The following URI1 variants were observed in gnomAD, a reference collection of about 807,000 sequenced individuals.
URI1 encodes the protein URI1 prefoldin like chaperone, also known as unconventional prefoldin RPB5 interactor 1.
A neutral mutation model predicts 60.2 loss-of-function variants in URI1; 39 were observed. The observed-to-expected ratio is 0.65, with a 90% CI of 0.50 to 0.85. URI1 has a LOEUF of 0.85. URI1 is among the 40% of genes least tolerant of loss of function. The pLI is 0.00. For synonymous variants in URI1, 251 were observed against 236.8 expected (o/e 1.06, Z -0.55); for missense variants, 691 against 665.9 (o/e 1.04, Z -0.42).
intron 1 of URI1, among the ~76,000 whole-genome samples, chr19:29,950,400 CA>C (rs145614563): frequency 0.14 from 21,971 of 152,114 alleles, 1,670 homozygotes; most frequent in Admixed American, 0.2. Flanking sequence ...AGTGATGTCT[CA>C]ATCTTTTTAG....
In URI1 at chr19:30,016,308, T is replaced by G. The variant is rs552536624; in HGVS notation, c.*1239T>G. Reference sequence around the variant, plus strand: ...GCTTGCATCCCCACTAGTTAATGGATAATTCAAACCGAGGACTGATTTTGA... The same window carrying G: ...GCTTGCATCCCCACTAGTTAATGGAGAATTCAAACCGAGGACTGATTTTGA... On this transcript the variant is annotated 3_prime_UTR_variant, in exon 11 of 11. Coordinates refer to ENST00000392271, the MANE Select transcript of URI1 (RefSeq NM_003796.3). The G allele has an allele frequency of 6.6e-6, 1 of 152,258 alleles. No individual in the cohort carries two copies. Among genetic ancestry groups the G allele is most frequent in the Non-Finnish European group, 1.5e-5 (1 of 67,966 alleles). The allele number at this position is 152,258 out of a possible 1,614,324, so 9.4% of individuals were successfully genotyped here.
chr19:29,998,773 T>C (rs149990575), intron 4 of URI1, among the ~76,000 whole-genome samples: 1 of 152,178 alleles, frequency 6.6e-6, no homozygotes, highest in South Asian at 2.1e-4. Flanking sequence ...TGCCAATTTA[T>C]GCTTTTTGAT....
rs1466610060 is a variant in URI1, at chr19:30,016,572, T to C, written c.*1503T>C. The stretch of plus-strand genomic sequence containing the variant: ...GTGGTGTTCTTAACAGATTTGTAAT[T>C]TCAAGATGCGTGTCATTAAATAATT... On this transcript the variant is annotated 3_prime_UTR_variant, in exon 11 of 11. Coordinates refer to ENST00000392271, the MANE Select transcript of URI1 (RefSeq NM_003796.3). 2.6e-5 allele frequency: 4 copies of C among 152,144 alleles called. No homozygotes were observed. The highest frequency in any genetic ancestry group is 9.6e-5 in the African/African-American group (4 of 41,460). 9.4% of individuals were successfully genotyped at this position (152,144 alleles called of 1,614,324 possible). A position where few individuals can be genotyped will look rare whatever the true frequency, so the allele number is the denominator to read the frequency against.
At chr19:29,995,609 T>G (rs1230329130) in intron 4 of URI1, among the ~76,000 whole-genome samples, 1 of 152,104 alleles carries the variant, frequency 6.6e-6, no homozygotes, top group Non-Finnish European at 1.5e-5. Context: ...TAATGTTGTT[T>G]GATGCACAAA....
chr19:29,966,315 T>C (rs1269801218), intron 1 of URI1, among the ~76,000 whole-genome samples: 1 of 152,100 alleles, frequency 6.6e-6, no homozygotes, highest in Non-Finnish European at 1.5e-5. Flanking sequence ...ATTTTTGTAT[T>C]TTTGGTAGAG....
chr19:29,976,654 T>A (rs539528896), intron 2 of URI1, among the ~76,000 whole-genome samples: 1 of 152,170 alleles, frequency 6.6e-6, no homozygotes, highest in East Asian at 1.9e-4. Flanking sequence ...AAAAAGGAAG[T>A]CTCCGTCCTT....
chr19:29,977,565 T>C (rs1323529964), intron 2 of URI1, among the ~76,000 whole-genome samples: 2 of 49,164 alleles, frequency 4.1e-5, no homozygotes, highest in African/African-American at 9.1e-5. Context: ...TTTCTTTTTT[T>C]TTTTTTTTTT....
At chr19:29,926,154 G>T (rs2054863828) in intron 1 of URI1, among the ~76,000 whole-genome samples, 1 of 151,714 alleles carries the variant, frequency 6.6e-6, no homozygotes, top group South Asian at 2.1e-4. Flanking sequence ...TTGGTTACAT[G>T]AATAAGTTCT....
chr19:29,990,235 A>G (rs1331752094), intron 4 of URI1, among the ~76,000 whole-genome samples: 1 of 152,336 alleles, frequency 6.6e-6, no homozygotes, highest in East Asian at 1.9e-4. Context: ...TATAATAAAA[A>G]AGACAGTAAC....
At chr19:30,013,921 G>C (rs909978290) in intron 10 of URI1, among the ~76,000 whole-genome samples, 4 of 151,780 alleles carry the variant, frequency 2.6e-5, no homozygotes, top group Non-Finnish European at 4.4e-5. Context: ...GGGCAAGGTA[G>C]AAGAAGGTGG....
chr19:29,937,796 C>T (rs560628751), upstream of URI1: 1 of 152,232 alleles, frequency 6.6e-6, no homozygotes, highest in Non-Finnish European at 1.5e-5. Flanking sequence ...TCAAAAATGC[C>T]CCAATTTTTG....
chr19:29,942,140 G>C, upstream of URI1: 2 of 892,886 alleles, frequency 2.2e-6, no homozygotes, highest in Non-Finnish European at 2.7e-6. Flanking sequence ...CACGCGGTTC[G>C]CATCAAGCGC....
chr19:30,014,824 T>C, intron 10 of URI1, 63 bp from the exon 11 acceptor site: 1 of 1,477,718 alleles, frequency 6.8e-7, no homozygotes, highest in Non-Finnish European at 9.2e-7. Context: ...AATGAGTGAA[T>C]GGGAAGATTT....
intron 1 of URI1, among the ~76,000 whole-genome samples, chr19:29,928,530 T>C (rs2054890035): frequency 1.3e-5 from 2 of 152,124 alleles, no homozygotes; most frequent in African/African-American, 2.4e-5. Context: ...AAGGGATCCA[T>C]TTAAGTGGCA....
rs192828083 is a variant in URI1, at chr19:30,008,107, T to A, written c.686+469T>A. On this transcript the variant is annotated intron_variant, in intron 7 of 10. Transcript: ENST00000392271. The stretch of plus-strand genomic sequence containing the variant: ...ATTCTTGCTTTCCTTTTATAAACTT[T>A]GGAGCAGGTAATTTGTAATCTGGTC... Among the ~76,000 whole-genome samples the A allele has an allele frequency of 8.1e-4, 124 of 152,274 alleles. 1 individual carries two copies. The highest frequency in any genetic ancestry group is 2.8e-3 in the African/African-American group (115 of 41,574).
chr19:29,960,721 T>C (rs2055312162), intron 1 of URI1, among the ~76,000 whole-genome samples: 2 of 152,186 alleles, frequency 1.3e-5, no homozygotes, highest in Non-Finnish European at 2.9e-5. Flanking sequence ...CTTTTCCTTT[T>C]ATTTAGAGTA....
At chr19:29,995,642 G>T (rs1484611384) in intron 4 of URI1, among the ~76,000 whole-genome samples, 2 of 150,050 alleles carry the variant, frequency 1.3e-5, no homozygotes, top group Non-Finnish European at 1.5e-5. Flanking sequence ...TCACTGTCCA[G>T]TTAGTGTTTT....
intron 1 of URI1, among the ~76,000 whole-genome samples, chr19:29,961,828 G>C (rs1039553426): frequency 6.6e-6 from 1 of 152,036 alleles, no homozygotes; most frequent in African/African-American, 2.4e-5. Context: ...TGAGATTACA[G>C]GCATGCACCA....
chr19:29,999,327 C>G (rs78555054), intron 4 of URI1, among the ~76,000 whole-genome samples: 3,158 of 152,176 alleles, frequency 0.021, 105 homozygotes, highest in African/African-American at 0.071. Context: ...CGAAGAACTT[C>G]CTTTAGCATT....
Sources: allele counts gnomAD v4.1 joint callset (sites outside exome capture counted in the v4.1 genomes callset), GRCh38; gene constraint gnomAD v4.1.1; transcripts MANE v1.5; gene names NCBI Gene and HGNC (gene_info 2026-07-23, HGNC 2026-07-21).